The following KSR2 variants were observed in gnomAD, a reference collection of about 807,000 sequenced individuals.
KSR2 encodes the protein kinase suppressor of ras 2.
KSR2 carries 25 observed loss-of-function variants against 107.8 expected under a neutral mutation model. That is an observed-to-expected ratio of 0.23 (90% CI 0.17 to 0.32). The LOEUF (loss-of-function observed/expected upper bound fraction) is 0.32. Ranked by LOEUF, KSR2 falls within the 10% of genes least tolerant of loss-of-function variation. KSR2 has a pLI of 1.00. For synonymous variants in KSR2, 480 were observed against 507.0 expected (o/e 0.95, Z 0.71); for missense variants, 887 against 1,268.9 (o/e 0.70, Z 4.57).
chr12:117,625,772 G>A (rs1882470261), intron 5 of KSR2, among the ~76,000 whole-genome samples: 1 of 152,190 alleles, frequency 6.6e-6, no homozygotes, highest in Non-Finnish European at 1.5e-5. Flanking sequence ...AGTTTCAGAA[G>A]GAATGGTACC....
chr12:117,564,059 C>T (rs2137371309), intron 7 of KSR2, among the ~76,000 whole-genome samples: 2 of 152,274 alleles, frequency 1.3e-5, no homozygotes, highest in South Asian at 4.2e-4. Flanking sequence ...GGCTCTCACA[C>T]CAAAACCCTT....
intron 3 of KSR2, among the ~76,000 whole-genome samples, chr12:117,788,363 T>C (rs778834777): frequency 6.6e-6 from 1 of 152,224 alleles, no homozygotes; most frequent in Admixed American, 6.5e-5. Flanking sequence ...TTTTCCAAAC[T>C]GTACCATGGG....
In KSR2 at chr12:117,737,782, CAAAAA is replaced by C. The variant is rs10587288; in HGVS notation, c.986+23224_986+23228del. On this transcript the variant is annotated intron_variant, in intron 4 of 19. Coordinates refer to ENST00000339824, the MANE Select transcript of KSR2 (RefSeq NM_173598.6). ...TGGGTGAGAGAGCAAAATCCTGTCT[CAAAAA>C]AAAAAAAAAAAAAAAAAAGACTTTT... 1.2e-3 allele frequency among the ~76,000 whole-genome samples: 105 copies of C among 84,038 alleles called. 1 individual carries two copies. The highest frequency in any genetic ancestry group is 0.011 in the South Asian group (25 of 2,356). The allele number at this position is 84,038 out of a possible 152,430, so 55.1% of individuals were successfully genotyped here.
chr12:117,924,443 G>C (rs1234815220), intron 1 of KSR2, among the ~76,000 whole-genome samples: 4 of 150,616 alleles, frequency 2.7e-5, no homozygotes, highest in African/African-American at 9.7e-5. Flanking sequence ...ATGGTGGCAG[G>C]CGCCTGTAAT....
chr12:117,636,377 A>G (rs1325418518), intron 5 of KSR2, among the ~76,000 whole-genome samples: 2 of 148,328 alleles, frequency 1.3e-5, no homozygotes, highest in African/African-American at 5.0e-5. Flanking sequence ...ATGTATATGG[A>G]GATATATATA....
intron 8 of KSR2, among the ~76,000 whole-genome samples, chr12:117,557,036 G>A (rs1877749442): frequency 6.6e-6 from 1 of 152,036 alleles, no homozygotes; most frequent in Admixed American, 6.5e-5. Context: ...ATGGTGGTGG[G>A]TGCCCATAAT....
chr12:117,966,185 A>G (rs1896780415), intron 1 of KSR2, among the ~76,000 whole-genome samples: 1 of 152,216 alleles, frequency 6.6e-6, no homozygotes, highest in African/African-American at 2.4e-5. Context: ...CCAGGAAGCT[A>G]TCAGAGGATG....
intron 3 of KSR2, among the ~76,000 whole-genome samples, chr12:117,822,525 T>C (rs1316294870): frequency 6.6e-6 from 1 of 152,198 alleles, no homozygotes; most frequent in African/African-American, 2.4e-5. Context: ...CTACCACACA[T>C]CATAGCTCAA....
chr12:117,540,034 C>T, intron 9 of KSR2, 147 bp from the exon 10 acceptor site: 1 of 643,418 alleles, frequency 1.6e-6, no homozygotes, highest in Non-Finnish European at 2.5e-6. Flanking sequence ...TCCGAAGTCC[C>T]TCCCGCTTCA....
chr12:117,679,094 G>T (rs758317133), intron 4 of KSR2, among the ~76,000 whole-genome samples: 2 of 152,134 alleles, frequency 1.3e-5, no homozygotes, highest in Non-Finnish European at 2.9e-5. Context: ...ACCTGCTCTG[G>T]CTCAGCTTCT....
intron 4 of KSR2, among the ~76,000 whole-genome samples, chr12:117,683,624 G>T (rs980488550): frequency 3.4e-4 from 52 of 152,230 alleles, no homozygotes; most frequent in African/African-American, 1.2e-3. Context: ...ACTTCGCTCA[G>T]TGACAAATCA....
intron 3 of KSR2, among the ~76,000 whole-genome samples, chr12:117,849,600 C>G (rs1214249774): frequency 6.6e-6 from 1 of 152,140 alleles, no homozygotes; most frequent in African/African-American, 2.4e-5. Flanking sequence ...CTTCGGGGCT[C>G]CTTGGGCACT....
intron 5 of KSR2, among the ~76,000 whole-genome samples, chr12:117,638,428 G>C (rs1883205922): frequency 6.6e-6 from 1 of 152,014 alleles, no homozygotes; most frequent in African/African-American, 2.4e-5. Context: ...GCCACTGTGG[G>C]GTGCCACACA....
At chr12:117,794,873 A>G (rs1010705094) in intron 3 of KSR2, among the ~76,000 whole-genome samples, 54 of 152,326 alleles carry the variant, frequency 3.5e-4, no homozygotes, top group African/African-American at 1.3e-3. Context: ...CCAGTTGATG[A>G]TAGTGACAGC....
chr12:117,944,517 A>G (rs1207125441), intron 1 of KSR2, among the ~76,000 whole-genome samples: 1 of 152,132 alleles, frequency 6.6e-6, no homozygotes, highest in African/African-American at 2.4e-5. Context: ...AAATGGTTAA[A>G]AGGTTGAATT....
chr12:117,855,778 G>A (rs146607313), intron 2 of KSR2, among the ~76,000 whole-genome samples, 200 bp from the exon 3 acceptor site: 168 of 152,230 alleles, frequency 1.1e-3, no homozygotes, highest in Non-Finnish European at 1.5e-3. Flanking sequence ...GCCTCACTTT[G>A]CTCATCTGTA....
At chr12:117,559,150 G>T (rs1371754291) in intron 7 of KSR2, among the ~76,000 whole-genome samples, 1 of 152,084 alleles carries the variant, frequency 6.6e-6, no homozygotes, top group East Asian at 1.9e-4. Context: ...AGCTCTGGGT[G>T]CTGTGGATAC....
intron 1 of KSR2, among the ~76,000 whole-genome samples, chr12:117,875,298 T>C (rs964111936): frequency 3.3e-5 from 5 of 151,536 alleles, no homozygotes; most frequent in African/African-American, 1.2e-4. Context: ...GCCGTTGGGT[T>C]TGACAGAGCT....
At chr12:117,803,707 AAAATT>A (rs916300457) in intron 3 of KSR2, among the ~76,000 whole-genome samples, 1 of 152,170 alleles carries the variant, frequency 6.6e-6, no homozygotes, top group South Asian at 2.1e-4. Flanking sequence ...CGTCTCAAAA[AAAATT>A]AAATTAAATT....
Sources: gnomAD v4.1 joint callset for allele counts (sites outside exome capture counted in the v4.1 genomes callset) on GRCh38, gnomAD v4.1.1 for gene constraint, MANE v1.5 for transcripts, NCBI Gene and HGNC (gene_info 2026-07-23, HGNC 2026-07-21) for gene names.